Variants in RSPO3 observed in about 807,000 individuals in gnomAD.
RSPO3 encodes R-spondin-3.
A neutral mutation model predicts 36.5 loss-of-function variants in RSPO3; 17 were observed. The ratio of observed to expected loss-of-function variants is 0.47; its 90% CI spans 0.32 to 0.70. RSPO3 has a LOEUF of 0.70. Ranked by LOEUF, RSPO3 falls within the 30% of genes least tolerant of loss-of-function variation. RSPO3 has a pLI of 0.04. For synonymous variants in RSPO3, 108 were observed against 107.0 expected (o/e 1.01, Z -0.06); for missense variants, 294 against 322.5 (o/e 0.91, Z 0.68).
At chr6:127,141,687 A>G (rs1322670119) in intron 1 of RSPO3, among the ~76,000 whole-genome samples, 3 of 152,304 alleles carry the variant, frequency 2.0e-5, no homozygotes, top group Non-Finnish European at 1.5e-5. Flanking sequence ...CCTCTGGTGT[A>G]GGCACAGACT....
chr6:127,148,927 A>G (rs2503113), intron 2 of RSPO3, 88 bp downstream of exon 2: 17,961 of 971,632 alleles, frequency 0.018, 556 homozygotes, highest in Admixed American at 0.099. Flanking sequence ...GTGATATTCA[A>G]TGTTAAGTAA....
intron 1 of RSPO3, among the ~76,000 whole-genome samples, chr6:127,136,190 C>A (rs1383101799): frequency 2.0e-5 from 3 of 152,118 alleles, no homozygotes; most frequent in Non-Finnish European, 4.4e-5. Context: ...CTCTATGGAT[C>A]CTCTGCCAAT....
chr6:127,164,475 G>A lies in RSPO3; in HGVS notation c.634+9037G>A, dbSNP rs555226698. ...TCTGTCTATTTCAGACTAAACACAC[G>A]TTCAGGATAATGCTAAGAATATTTT... On this transcript the variant is annotated intron_variant, in intron 4 of 4. Transcript: ENST00000356698. Among the ~76,000 whole-genome samples, 68 of 152,124 alleles carry A rather than the reference G, an allele frequency of 4.5e-4. No individual in the cohort carries two copies. In the South Asian group the frequency reaches 5.6e-3, roughly 13 times the overall value.
chr6:127,139,632 C>T (rs1263292513), intron 1 of RSPO3, among the ~76,000 whole-genome samples: 3 of 151,816 alleles, frequency 2.0e-5, no homozygotes, highest in Admixed American at 1.3e-4. Flanking sequence ...TGGAATGCTT[C>T]TCTCAGCCAG....
rs745508078 is a variant in RSPO3, at chr6:127,155,292, G to C, written c.488G>C (p.Gly163Ala). ...WNPWSPCTKKGKTCGFKRGTE... is the reference protein window; with the variant it reads ...WNPWSPCTKKAKTCGFKRGTE... ...CCTTGGAGTCCATGCACGAAGAAGG[G>C]AAAAACATGTGGCTTCAAAAGAGGG... The change falls in exon 4 of 5, where the codon GGA becomes GCA. Residue 163 changes from glycine (G) to alanine (A), a missense_variant. By Grantham distance (60) the Gly-to-Ala change is moderately conservative. Transcript: ENST00000356698. The C allele has an allele frequency of 2.5e-6, 4 of 1,613,906 alleles. No individual in the cohort carries two copies. The South Asian group carries it at 3.3e-5, about 13-fold the overall frequency.
intron 4 of RSPO3, among the ~76,000 whole-genome samples, chr6:127,159,083 T>C (rs998350019): frequency 2.0e-5 from 3 of 152,076 alleles, no homozygotes; most frequent in African/African-American, 4.8e-5. Context: ...TGACATACAG[T>C]GTATAACCAT....
At chr6:127,160,139 C>A (rs1466464478) in intron 4 of RSPO3, among the ~76,000 whole-genome samples, 1 of 152,108 alleles carries the variant, frequency 6.6e-6, no homozygotes, top group Admixed American at 6.5e-5. Context: ...TTTTGTAGGT[C>A]GTAAATGGTC....
At chr6:127,177,256 T>C (rs1324059290) in intron 4 of RSPO3, among the ~76,000 whole-genome samples, 2 of 151,914 alleles carry the variant, frequency 1.3e-5, no homozygotes, top group Non-Finnish European at 2.9e-5. Context: ...AAAATCTGCT[T>C]AAGTATCACA....
At position 127,119,286 on chromosome 6, in the gene RSPO3, A is replaced by G. The variant is rs1206084563; in HGVS notation, c.94A>G (p.Arg32Gly). 9 of 1,611,122 alleles carry G rather than the reference A, an allele frequency of 5.6e-6. No homozygotes were observed. The highest frequency in any genetic ancestry group is 1.3e-5 in the African/African-American group (1 of 74,886). ...CGCCTCCCGGGGAAGGCGCCAGCGA[A>G]GAAGTAAGTGCAGGGTTTTTTACGC... ...QNASRGRRQRRMHPNVSQGCQ... is the reference protein window; with the variant it reads ...QNASRGRRQRGMHPNVSQGCQ... Residue 32 changes from arginine to glycine, a missense_variant, in exon 1 of 5, where the codon AGA becomes GGA. Physicochemically the swap from Arg to Gly is moderately radical, Grantham distance 125 (BLOSUM62 -2). This residue lies in a region of RSPO3 where 61 missense variants were observed against 51.3 expected (regional missense o/e 1.19). Transcript: ENST00000356698.
intron 1 of RSPO3, among the ~76,000 whole-genome samples, chr6:127,135,524 T>C (rs781345780): frequency 1.1e-4 from 17 of 151,662 alleles, no homozygotes; most frequent in Non-Finnish European, 1.9e-4. Flanking sequence ...ATGTGAACTC[T>C]ATTAATAAGG....
chr6:127,167,762 C>G (rs1261975877), intron 4 of RSPO3, among the ~76,000 whole-genome samples: 4 of 151,850 alleles, frequency 2.6e-5, no homozygotes. Flanking sequence ...CCTCCCCCAT[C>G]CCCCCATCCC....
At chr6:127,173,902 A>G (rs1774992913) in intron 4 of RSPO3, among the ~76,000 whole-genome samples, 2 of 151,950 alleles carry the variant, frequency 1.3e-5, no homozygotes, top group East Asian at 3.9e-4. Flanking sequence ...CTTTGGAAGC[A>G]AGGGGAATTG....
At chr6:127,150,298 A>G (rs1173513779) in intron 2 of RSPO3, 128 bp from the exon 3 acceptor site, 1 of 803,884 alleles carries the variant, frequency 1.2e-6, no homozygotes, top group Non-Finnish European at 1.9e-6. Context: ...AGTCTGGCAA[A>G]ATAATTTTGG....
At chr6:127,132,888 G>T (rs190592221) in intron 1 of RSPO3, among the ~76,000 whole-genome samples, 1 of 152,088 alleles carries the variant, frequency 6.6e-6, no homozygotes, top group African/African-American at 2.4e-5. Context: ...CAGCATTAAT[G>T]ATTCCTGTGA....
At chr6:127,139,875 C>T (rs1774235200) in intron 1 of RSPO3, among the ~76,000 whole-genome samples, 1 of 151,972 alleles carries the variant, frequency 6.6e-6, no homozygotes, top group African/African-American at 2.4e-5. Context: ...TGATTCAGTA[C>T]CTTACATTTT....
At chr6:127,137,359 C>G (rs555138702) in intron 1 of RSPO3, among the ~76,000 whole-genome samples, 13 of 152,188 alleles carry the variant, frequency 8.5e-5, no homozygotes, top group African/African-American at 2.4e-4. Context: ...CCACTACACT[C>G]CAACCTGGGT....
intron 2 of RSPO3, among the ~76,000 whole-genome samples, chr6:127,150,125 C>A (rs1774460414): frequency 6.6e-6 from 1 of 151,510 alleles, no homozygotes; most frequent in Non-Finnish European, 1.5e-5. Context: ...TTCACTATCA[C>A]TTAATATAAA....
intron 4 of RSPO3, among the ~76,000 whole-genome samples, chr6:127,177,618 T>C (rs1044202069): frequency 1.3e-5 from 2 of 151,852 alleles, no homozygotes; most frequent in African/African-American, 2.4e-5. Context: ...TCCCAAACTA[T>C]AGGAATGAAT....
At chr6:127,133,975 T>C (rs1259400536) in intron 1 of RSPO3, among the ~76,000 whole-genome samples, 1 of 152,152 alleles carries the variant, frequency 6.6e-6, no homozygotes, top group African/African-American at 2.4e-5. Flanking sequence ...TAGAGCACTT[T>C]AGATATCATT....
Sources: gnomAD v4.1 joint callset for allele counts (sites outside exome capture counted in the v4.1 genomes callset) on GRCh38, gnomAD v4.1.1 for gene constraint, gnomAD v4.1.1 regional missense constraint, MANE v1.5 for transcripts, NCBI Gene and HGNC (gene_info 2026-07-23, HGNC 2026-07-21) for gene names.